Variants in GALNTL6 observed in about 807,000 individuals in gnomAD.
GALNTL6 encodes polypeptide N-acetylgalactosaminyltransferase-like 6.
A neutral mutation model predicts 73.7 loss-of-function variants in GALNTL6; 46 were observed. The ratio of observed to expected loss-of-function variants is 0.62; its 90% CI spans 0.49 to 0.80. GALNTL6 has a LOEUF of 0.80. Ranked by LOEUF, GALNTL6 falls within the 30% of genes least tolerant of loss-of-function variation. GALNTL6 has a pLI of 0.00. For missense variants in GALNTL6, 604 were observed against 755.0 expected (o/e 0.80, Z 2.34); for synonymous variants, 259 against 263.7 (o/e 0.98, Z 0.17).
chr4:171,887,653 T>C (rs1736640747), intron 2 of GALNTL6, among the ~76,000 whole-genome samples: 1 of 152,200 alleles, frequency 6.6e-6, no homozygotes, highest in Admixed American at 6.5e-5. Context: ...TTATGCATAA[T>C]ATTTTTCTAA....
At chr4:172,581,656 C>A (rs1048122242) in intron 5 of GALNTL6, among the ~76,000 whole-genome samples, 2 of 152,180 alleles carry the variant, frequency 1.3e-5, no homozygotes, top group African/African-American at 4.8e-5. Flanking sequence ...ATAGACCCTC[C>A]AGTGATTTTC....
chr4:172,446,558 C>T (rs947876046), intron 5 of GALNTL6, among the ~76,000 whole-genome samples: 1 of 152,104 alleles, frequency 6.6e-6, no homozygotes, highest in Non-Finnish European at 1.5e-5. Context: ...TCATAAAGCC[C>T]ATGCTAAATC....
chr4:172,324,613 T>C (rs1010007057), intron 4 of GALNTL6, among the ~76,000 whole-genome samples: 1 of 151,226 alleles, frequency 6.6e-6, no homozygotes, highest in African/African-American at 2.4e-5. Flanking sequence ...GCTACTATAT[T>C]TAATAATGGC....
intron 3 of GALNTL6, among the ~76,000 whole-genome samples, chr4:172,268,091 C>G (rs1738511309): frequency 6.6e-6 from 1 of 152,116 alleles, no homozygotes; most frequent in African/African-American, 2.4e-5. Context: ...GATTTATGCC[C>G]CAATGAATTC....
In GALNTL6 at chr4:171,814,880, A is replaced by G. The variant is rs573286839; in HGVS notation, c.138+162A>G. The G allele has an allele frequency of 3.3e-5, 21 of 643,360 alleles. No homozygotes were observed. In the East Asian group the frequency reaches 5.2e-4, roughly 16 times the overall value. The allele number at this position is 643,360 out of a possible 1,614,324, so 39.9% of individuals were successfully genotyped here. A position where few individuals can be genotyped will look rare whatever the true frequency, so the allele number is the denominator to read the frequency against. On this transcript the variant is annotated intron_variant, in intron 2 of 12. Transcript: ENST00000506823. ...GAGACTTTGGGGTTTAAGCAAGTAGATGTTTTAAGATTGCAGCCAGTAACA... is the reference window on the plus strand; with the variant it reads ...GAGACTTTGGGGTTTAAGCAAGTAGGTGTTTTAAGATTGCAGCCAGTAACA...
chr4:171,861,349 T>C (rs1735826486), intron 2 of GALNTL6, among the ~76,000 whole-genome samples: 1 of 152,200 alleles, frequency 6.6e-6, no homozygotes, highest in Non-Finnish European at 1.5e-5. Context: ...TAACAGTTAT[T>C]CTGTCAGTGT....
intron 2 of GALNTL6, among the ~76,000 whole-genome samples, chr4:171,917,118 C>T (rs991741571): frequency 6.6e-6 from 1 of 152,156 alleles, no homozygotes; most frequent in South Asian, 2.1e-4. Context: ...GAGTCTGTCA[C>T]TCTTAGAACC....
intron 2 of GALNTL6, among the ~76,000 whole-genome samples, chr4:172,171,980 A>C (rs756556254): frequency 6.6e-6 from 1 of 152,168 alleles, no homozygotes; most frequent in South Asian, 2.1e-4. Context: ...TAGAAGCATC[A>C]CATCTCAAAG....
intron 5 of GALNTL6, among the ~76,000 whole-genome samples, chr4:172,731,663 T>G (rs1736157046): frequency 6.6e-6 from 1 of 152,148 alleles, no homozygotes; most frequent in South Asian, 2.1e-4. Context: ...TCTTTCTACT[T>G]TTTTGATATA....
rs375038716 is a variant in GALNTL6, at chr4:171,874,410, G to A, written c.138+59692G>A. Among the ~76,000 whole-genome samples, 14 of 152,152 alleles carry A rather than the reference G, an allele frequency of 9.2e-5. No homozygotes were observed. The East Asian group carries it at 1.2e-3, about 13-fold the overall frequency. ...TCACAATGTTGGCCAGGCTGGTCTT[G>A]AACTCCTGACCTCAAATGACCTGTC... On this transcript the variant is annotated intron_variant, in intron 2 of 12. Transcript: ENST00000506823.
In GALNTL6 at chr4:172,568,913, A is replaced by AT. The variant is rs894139756; in HGVS notation, c.553+220235dup. On this transcript the variant is annotated intron_variant, in intron 5 of 12. Transcript: ENST00000506823. ...TAAAACATTATGAGATCTTCTTGTG[A>AT]TTTTTTTTTTTAGCTCATTATCTAC... Among the ~76,000 whole-genome samples the AT allele has an allele frequency of 5.7e-3, 846 of 147,268 alleles. 5 individuals carry two copies. Among genetic ancestry groups the AT allele is most frequent in the African/African-American group, 0.019 (771 of 40,308 alleles).
chr4:172,168,007 C>A (rs550361167), intron 2 of GALNTL6, among the ~76,000 whole-genome samples: 4 of 151,574 alleles, frequency 2.6e-5, no homozygotes, highest in African/African-American at 4.8e-5. Context: ...GAGGCCAAAT[C>A]CAATGATTCT....
At chr4:172,335,148 G>T (rs915687382) in intron 4 of GALNTL6, among the ~76,000 whole-genome samples, 2 of 152,002 alleles carry the variant, frequency 1.3e-5, no homozygotes, top group East Asian at 3.9e-4. Flanking sequence ...GGGTTTCACC[G>T]TGTTAGCCAG....
chr4:172,858,293 CT>C (rs1433647502), intron 7 of GALNTL6, among the ~76,000 whole-genome samples: 2 of 152,154 alleles, frequency 1.3e-5, no homozygotes, highest in African/African-American at 4.8e-5. Flanking sequence ...TGTTTGTCTT[CT>C]TGGAGCTCAT....
At chr4:172,385,241 G>A (rs971415463) in intron 5 of GALNTL6, among the ~76,000 whole-genome samples, 3 of 151,906 alleles carry the variant, frequency 2.0e-5, no homozygotes, top group Admixed American at 1.3e-4. Context: ...TGACAAAAAT[G>A]TCTTAATATA....
rs1294036740 is a variant in GALNTL6 at position 172,132,895 on chromosome 4, C to CT, written c.139-96760dup. ...AATTTCAAAAGTCATGTTGTCACCT[C>CT]TAAAATATAGAAACTGGGACATTTT... On this transcript the variant is annotated intron_variant, in intron 2 of 12. Transcript: ENST00000506823. Among the ~76,000 whole-genome samples, 8 of 152,214 alleles carry CT rather than the reference C, an allele frequency of 5.3e-5. 1 individual carries two copies. The South Asian group carries it at 1.7e-3, about 32-fold the overall frequency.
chr4:172,211,579 A>T (rs1038095496), intron 2 of GALNTL6, among the ~76,000 whole-genome samples: 1 of 152,230 alleles, frequency 6.6e-6, no homozygotes, highest in African/African-American at 2.4e-5. Flanking sequence ...GAAGCATCAG[A>T]ATTGTTAAGC....
chr4:172,715,944 A>G (rs1004160026), intron 5 of GALNTL6, among the ~76,000 whole-genome samples: 1 of 152,174 alleles, frequency 6.6e-6, no homozygotes, highest in African/African-American at 2.4e-5. Context: ...GTTCTCAAAT[A>G]ATCCTGGTAT....
Position 173,040,335 on chromosome 4 carries a change from C to A in GALNTL6, c.*235C>A. The A allele has an allele frequency of 4.0e-6, 2 of 494,848 alleles. No homozygotes were observed. The highest frequency in any genetic ancestry group is 3.0e-5 in the South Asian group (1 of 33,368). The allele number at this position is 494,848 out of a possible 1,614,324, so 30.7% of individuals were successfully genotyped here. A position where few individuals can be genotyped will look rare whatever the true frequency, so the allele number is the denominator to read the frequency against. On this transcript the variant is annotated 3_prime_UTR_variant, in exon 13 of 13. Transcript: ENST00000506823. ...CGAGACTAGCAGTTCCCTTGCTGGC[C>A]AAGGGCAAAGATAATTTAGGGACTT... is the stretch of plus-strand genomic sequence containing the variant.
Sources: gnomAD v4.1 joint callset for allele counts (sites outside exome capture counted in the v4.1 genomes callset) on GRCh38, gnomAD v4.1.1 for gene constraint, MANE v1.5 for transcripts, NCBI Gene and HGNC (gene_info 2026-07-23, HGNC 2026-07-21) for gene names.